AK5: variants seen among roughly 807,000 people sequenced by gnomAD.
The protein encoded by AK5 is adenylate kinase 5.
Under a neutral mutation model 69.5 loss-of-function variants are expected in AK5, and 27 were observed. That is an observed-to-expected ratio of 0.39 (90% CI 0.29 to 0.54). AK5 has a LOEUF of 0.54. Ranked by LOEUF, AK5 falls within the 20% of genes least tolerant of loss-of-function variation. AK5 has a pLI of 0.71. For synonymous variants in AK5, 260 were observed against 244.4 expected, an observed-to-expected ratio of 1.06 and a Z score of -0.60; for missense variants, 531 against 700.4, an observed-to-expected ratio of 0.76 and a Z score of 2.73.
chr1:77,479,196 CTTTTTTTTTTTTTT>C (rs67079216), intron 8 of AK5, among the ~76,000 whole-genome samples: 2 of 71,908 alleles, frequency 2.8e-5, no homozygotes, highest in African/African-American at 1.1e-4. Context: ...CTGAAATTGT[CTTTTTTTTTTTTTT>C]TTTTTTTTTT....
intron 6 of AK5, among the ~76,000 whole-genome samples, chr1:77,344,596 C>T (rs1452965623): frequency 1.3e-5 from 2 of 152,102 alleles, no homozygotes; most frequent in Non-Finnish European, 2.9e-5. Context: ...AACTGTATAA[C>T]TCTTGAATAA....
intron 13 of AK5, among the ~76,000 whole-genome samples, chr1:77,549,654 T>C (rs1659722373): frequency 6.6e-6 from 1 of 152,174 alleles, no homozygotes; most frequent in African/African-American, 2.4e-5. Context: ...ATGAGTTCAA[T>C]TGCTTTAATA....
intron 8 of AK5, among the ~76,000 whole-genome samples, chr1:77,432,856 A>T (rs1403247612): frequency 1.3e-5 from 2 of 152,242 alleles, no homozygotes; most frequent in African/African-American, 2.4e-5. Flanking sequence ...TGCCAAAGAA[A>T]AAGGTAAGCA....
At chr1:77,286,074 A>T (rs1295088792) in intron 1 of AK5, among the ~76,000 whole-genome samples, 2 of 152,190 alleles carry the variant, frequency 1.3e-5, no homozygotes, top group Non-Finnish European at 2.9e-5. Context: ...GTTCACAGAC[A>T]AACCTAGGGA....
chr1:77,492,414 G>T (rs1656055740), intron 10 of AK5, among the ~76,000 whole-genome samples: 1 of 152,142 alleles, frequency 6.6e-6, no homozygotes, highest in South Asian at 2.1e-4. Context: ...CCTCCGAAAT[G>T]CTAATAACCT....
At chr1:77,550,467 G>A (rs561750657) in intron 13 of AK5, among the ~76,000 whole-genome samples, 2 of 152,268 alleles carry the variant, frequency 1.3e-5, no homozygotes, top group South Asian at 2.1e-4. Context: ...ATTGCAGGAC[G>A]TATTACTTTT....
chr1:77,514,696 C>G (rs1408387944), intron 10 of AK5, among the ~76,000 whole-genome samples: 1 of 152,220 alleles, frequency 6.6e-6, no homozygotes, highest in African/African-American at 2.4e-5. Flanking sequence ...GTTCAACACA[C>G]AGCTGTTGTT....
At chr1:77,502,079 T>C (rs549876774) in intron 10 of AK5, among the ~76,000 whole-genome samples, 12 of 152,338 alleles carry the variant, frequency 7.9e-5, no homozygotes, top group African/African-American at 2.9e-4. Context: ...TAATAACAAT[T>C]GCCCCACTTG....
At chr1:77,377,359 A>G (rs1175536939) in intron 6 of AK5, among the ~76,000 whole-genome samples, 2 of 152,134 alleles carry the variant, frequency 1.3e-5, no homozygotes, top group Non-Finnish European at 2.9e-5. Flanking sequence ...TGCTTATGTC[A>G]AAAACCTCAG....
At position 77,380,125 on chromosome 1, in the gene AK5, A is replaced by G. The variant is rs144854715; in HGVS notation, c.892-30856A>G. On this transcript the variant is annotated intron_variant, in intron 6 of 13. Coordinates refer to ENST00000354567, the MANE Select transcript of AK5 (RefSeq NM_174858.3). Reference sequence around the variant, plus strand: ...TGAAATGCAAAGACACGAGAGTGCAATTTCTCTTTGGCATCCTCCTCGGCA... The same window carrying G: ...TGAAATGCAAAGACACGAGAGTGCAGTTTCTCTTTGGCATCCTCCTCGGCA... Among the ~76,000 whole-genome samples, 5 of 152,306 alleles carry G rather than the reference A, an allele frequency of 3.3e-5. No individual in the cohort carries two copies. In the East Asian group the frequency reaches 7.7e-4, roughly 24 times the overall value.
chr1:77,364,446 T>C (rs553043187), intron 6 of AK5, among the ~76,000 whole-genome samples: 2 of 152,330 alleles, frequency 1.3e-5, no homozygotes, highest in East Asian at 3.9e-4. Flanking sequence ...AGTCATCCTA[T>C]AGTAGTATGT....
At chr1:77,315,883 G>A (rs534218044) in intron 5 of AK5, among the ~76,000 whole-genome samples, 78 of 151,442 alleles carry the variant, frequency 5.2e-4, no homozygotes, top group Admixed American at 1.0e-3. Context: ...AAGGAATCCC[G>A]GGCTAGGGAA....
In AK5 at chr1:77,367,640, T is replaced by TAATATA. The variant is rs1345965798; in HGVS notation, c.891+27072_891+27073insAATATA. Among the ~76,000 whole-genome samples, 155 of 84,568 alleles carry TAATATA rather than the reference T, an allele frequency of 1.8e-3. 3 individuals carry two copies. Among genetic ancestry groups the TAATATA allele is most frequent in the Middle Eastern group, 0.011 (2 of 176 alleles). 55.5% of individuals were successfully genotyped at this position (84,568 alleles called of 152,430 possible). A position where few individuals can be genotyped will look rare whatever the true frequency, so the allele number is the denominator to read the frequency against. On this transcript the variant is annotated intron_variant, in intron 6 of 13. Transcript: ENST00000354567. The stretch of plus-strand genomic sequence containing the variant: ...ATATGTTATATATGTAATATATATG[T>TAATATA]TATGTTATATATGTTATATATATGT...
intron 8 of AK5, among the ~76,000 whole-genome samples, chr1:77,427,953 C>A (rs948108965): frequency 1.3e-5 from 2 of 152,150 alleles, no homozygotes; most frequent in Admixed American, 6.5e-5. Flanking sequence ...AATGGGAACT[C>A]ACTTATTACC....
intron 5 of AK5, among the ~76,000 whole-genome samples, chr1:77,325,538 A>G (rs552016423): frequency 1.3e-5 from 2 of 152,252 alleles, no homozygotes; most frequent in Admixed American, 6.5e-5. Context: ...AACATGCCAT[A>G]TGATCATGTG....
At chr1:77,553,624 G>A (rs559285729) in intron 13 of AK5, among the ~76,000 whole-genome samples, 1 of 152,318 alleles carries the variant, frequency 6.6e-6, no homozygotes, top group South Asian at 2.1e-4. Context: ...ATTATGCACA[G>A]AAGAGTTGTA....
intron 5 of AK5, among the ~76,000 whole-genome samples, chr1:77,307,318 A>C (rs1659695340): frequency 1.3e-5 from 2 of 150,552 alleles, no homozygotes; most frequent in South Asian, 2.1e-4. Flanking sequence ...TTGTTTGAAA[A>C]TTTTTTTCAG....
At chr1:77,485,846 G>A (rs1479950591) in intron 9 of AK5, among the ~76,000 whole-genome samples, 1 of 152,210 alleles carries the variant, frequency 6.6e-6, no homozygotes, top group Non-Finnish European at 1.5e-5. Flanking sequence ...GCAGGGCACG[G>A]TGGCTCACAC....
chr1:77,411,594 A>G (rs1650047555), intron 7 of AK5, among the ~76,000 whole-genome samples: 1 of 152,084 alleles, frequency 6.6e-6, no homozygotes, highest in South Asian at 2.1e-4. Context: ...GGCAGTACTC[A>G]TGGTTCTGTC....
Sources: allele counts gnomAD v4.1 joint callset (sites outside exome capture counted in the v4.1 genomes callset), GRCh38; gene constraint gnomAD v4.1.1; transcripts MANE v1.5; gene names NCBI Gene and HGNC (gene_info 2026-07-23, HGNC 2026-07-21).